FRMD6: variants seen among roughly 807,000 people sequenced by gnomAD.
FRMD6 encodes FERM domain-containing protein 6.
Under a neutral mutation model 73.2 loss-of-function variants are expected in FRMD6, and 37 were observed. That is an observed-to-expected ratio of 0.51 (90% CI 0.39 to 0.66). FRMD6 has a LOEUF of 0.66. Ranked by LOEUF, FRMD6 falls within the 30% of genes least tolerant of loss-of-function variation. FRMD6 has a pLI of 0.00. For missense variants in FRMD6, 714 were observed against 780.5 expected (o/e 0.91, Z 1.02); for synonymous variants, 273 against 282.2 (o/e 0.97, Z 0.33).
intron 1 of FRMD6, among the ~76,000 whole-genome samples, chr14:51,570,067 G>A (rs2357111): frequency 0.82 from 124,104 of 151,914 alleles, 50,979 homozygotes; most frequent in African/African-American, 0.9. Flanking sequence ...TGCCCACCTT[G>A]GCCTCCCAAA....
At chr14:51,722,205 T>G in intron 12 of FRMD6, 125 bp downstream of exon 12, 1 of 901,178 alleles carries the variant, frequency 1.1e-6, no homozygotes, top group Non-Finnish European at 1.7e-6. Context: ...GCACTAAGAG[T>G]CTCTTCAGGT....
chr14:51,479,736 A>G, the FRMD6 span, among the ~76,000 whole-genome samples: 1 of 152,140 alleles, frequency 6.6e-6, no homozygotes, highest in Non-Finnish European at 1.5e-5. Flanking sequence ...GGGAAAGTTT[A>G]ATAATAGAAC....
At chr14:51,403,898 G>T in the FRMD6 span, among the ~76,000 whole-genome samples, 1 of 152,054 alleles carries the variant, frequency 6.6e-6, no homozygotes, top group African/African-American at 2.4e-5. Flanking sequence ...ATATTCTTGC[G>T]TGGGTCTTCT....
chr14:51,640,781 A>ACTT (rs1228480010), intron 2 of FRMD6, among the ~76,000 whole-genome samples: 3 of 152,192 alleles, frequency 2.0e-5, no homozygotes, highest in Admixed American at 6.6e-5. Context: ...TTCAATGTTT[A>ACTT]CTTCTACATA....
At chr14:51,527,225 G>C (rs1431197275) in intron 1 of FRMD6, among the ~76,000 whole-genome samples, 1 of 152,224 alleles carries the variant, frequency 6.6e-6, no homozygotes, top group Non-Finnish European at 1.5e-5. Flanking sequence ...ATTGGCAAAG[G>C]CCATGCATTA....
intron 2 of FRMD6, among the ~76,000 whole-genome samples, chr14:51,694,944 AG>A (rs1384339914): frequency 6.7e-6 from 1 of 148,598 alleles, no homozygotes; most frequent in Non-Finnish European, 1.5e-5. Flanking sequence ...TTTGAATAAG[AG>A]CACTGCTTAC....
intron 1 of FRMD6, among the ~76,000 whole-genome samples, chr14:51,657,820 C>A (rs948954422): frequency 6.6e-6 from 1 of 151,910 alleles, no homozygotes; most frequent in African/African-American, 2.4e-5. Flanking sequence ...TTGGAATATA[C>A]CAACTAGATA....
At chr14:51,468,484 T>G in the FRMD6 span, among the ~76,000 whole-genome samples, 605 of 152,344 alleles carry the variant, frequency 4.0e-3, 9 homozygotes, top group East Asian at 0.038. Flanking sequence ...TCACTTATTT[T>G]TTCTAATAAG....
At chr14:51,413,728 C>T in the FRMD6 span, among the ~76,000 whole-genome samples, 13 of 152,334 alleles carry the variant, frequency 8.5e-5, no homozygotes, top group Middle Eastern at 3.4e-3. Context: ...CTTGAGGAAT[C>T]GCCACACTGT....
intron 1 of FRMD6, among the ~76,000 whole-genome samples, chr14:51,536,113 G>A (rs1277578859): frequency 6.8e-6 from 1 of 147,448 alleles, no homozygotes; most frequent in Non-Finnish European, 1.5e-5. Flanking sequence ...GAGAGAGAGA[G>A]AAACAGGGTC....
chr14:51,651,535 C>G (rs991588900), upstream of FRMD6: 1 of 152,384 alleles, frequency 6.6e-6, no homozygotes, highest in African/African-American at 2.4e-5. Flanking sequence ...CCGGCGTCCC[C>G]TCGCACCTCC....
chr14:51,432,011 A>ACTTC, the FRMD6 span, among the ~76,000 whole-genome samples: 1 of 152,226 alleles, frequency 6.6e-6, no homozygotes, highest in Non-Finnish European at 1.5e-5. Flanking sequence ...AAAGGAAGAT[A>ACTTC]CTTCCTTATT....
chr14:51,604,265 C>T (rs10131396), intron 2 of FRMD6, among the ~76,000 whole-genome samples: 3,437 of 152,196 alleles, frequency 0.023, 41 homozygotes, highest in South Asian at 0.031. Context: ...TGAAAAGCAC[C>T]GGAGATTCCA....
intron 13 of FRMD6, among the ~76,000 whole-genome samples, chr14:51,727,209 G>C (rs1026196874): frequency 1.3e-5 from 2 of 151,340 alleles, no homozygotes; most frequent in African/African-American, 2.4e-5. Flanking sequence ...CTTTTAAAGA[G>C]AAAAACTGTG....
At chr14:51,660,229 A>G (rs570214950) in intron 1 of FRMD6, among the ~76,000 whole-genome samples, 2 of 152,322 alleles carry the variant, frequency 1.3e-5, no homozygotes, top group South Asian at 2.1e-4. Flanking sequence ...ATTTCTGTCA[A>G]TGTGTTTCAT....
At chr14:51,650,502 T>TA (rs922943851), upstream of FRMD6, 2 of 147,788 alleles carry the variant, frequency 1.4e-5, no homozygotes, top group African/African-American at 5.0e-5. Flanking sequence ...TTCACGCCAT[T>TA]CTCCTGCCTC....
rs370580833 is a variant in FRMD6 at position 51,698,165 on chromosome 14, G to A, written c.123G>A (p.Leu41=). The part of the protein sequence containing the change: ...IINVKILCHQ[L]LVQVCDLLRL... ...AGGTTAAGATTCTGTGTCACCAGTT[G>A]CTGGTCCAGGTTTGTGACCTGCTCA... Residue 41 remains leucine (L), a synonymous_variant, in exon 3 of 14, where the codon TTG becomes TTA. Transcript: ENST00000344768. 8.1e-6 allele frequency: 13 copies of A among 1,612,242 alleles called. No homozygotes were observed. The African/African-American group carries it at 1.5e-4, about 18-fold the overall frequency.
At chr14:51,490,680 A>C (rs773738463) in intron 1 of FRMD6, among the ~76,000 whole-genome samples, 23 of 151,406 alleles carry the variant, frequency 1.5e-4, no homozygotes, top group Admixed American at 5.3e-4. Flanking sequence ...CCTACCTCTT[A>C]TTCGTGTTGC....
upstream of FRMD6, among the ~76,000 whole-genome samples, chr14:51,486,768 T>C (rs1161576561): frequency 6.6e-6 from 1 of 152,178 alleles, no homozygotes; most frequent in Non-Finnish European, 1.5e-5. Flanking sequence ...TGCCAGTCAT[T>C]CTCTCTTTTG....
Sources: allele counts gnomAD v4.1 joint callset (sites outside exome capture counted in the v4.1 genomes callset), GRCh38; gene constraint gnomAD v4.1.1; transcripts MANE v1.5; gene names NCBI Gene and HGNC (gene_info 2026-07-23, HGNC 2026-07-21).